KLF15: variants seen among roughly 807,000 people sequenced by gnomAD.
The protein encoded by KLF15 is KLF transcription factor 15, also known as Krueppel-like factor 15.
KLF15 carries 4 observed loss-of-function variants against 24.6 expected under a neutral mutation model. The observed-to-expected ratio is 0.16, with a 90% CI of 0.08 to 0.37. The LOEUF is 0.37. Ranked by LOEUF, KLF15 falls within the 10% of genes least tolerant of loss-of-function variation. KLF15 has a pLI of 1.00. For missense variants in KLF15, 496 were observed against 560.6 expected (o/e 0.88, Z 1.16); for synonymous variants, 246 against 236.3 (o/e 1.04, Z -0.37).
At chr3:126,347,480 C>T (rs1171696095) in intron 2 of KLF15, among the ~76,000 whole-genome samples, 3 of 152,220 alleles carry the variant, frequency 2.0e-5, no homozygotes, top group African/African-American at 7.2e-5. Flanking sequence ...CTGTCCCCCA[C>T]CACATCCACT....
chr3:126,341,167 G>T (rs572148799), downstream of KLF15, among the ~76,000 whole-genome samples: 13 of 152,284 alleles, frequency 8.5e-5, 1 homozygote, highest in South Asian at 2.5e-3. Flanking sequence ...TCATCCCGGG[G>T]AGGTGCACCA....
chr3:126,321,218 T>C, the KLF15 span, among the ~76,000 whole-genome samples: 1 of 152,242 alleles, frequency 6.6e-6, no homozygotes, highest in East Asian at 1.9e-4. Context: ...CAAGTCTCTC[T>C]ACACCCTTTC....
chr3:126,297,924 C>T, the KLF15 span, among the ~76,000 whole-genome samples: 1 of 152,156 alleles, frequency 6.6e-6, no homozygotes, highest in Non-Finnish European at 1.5e-5. Flanking sequence ...GTGCAAGTGT[C>T]TTTTTCATAT....
chr3:126,294,218 C>A, the KLF15 span, among the ~76,000 whole-genome samples: 13 of 152,182 alleles, frequency 8.5e-5, no homozygotes, highest in African/African-American at 3.1e-4. Context: ...TGCCTTGTGC[C>A]TGGTCATGCC....
At chr3:126,312,439 C>T in the KLF15 span, among the ~76,000 whole-genome samples, 3 of 152,156 alleles carry the variant, frequency 2.0e-5, no homozygotes, top group Admixed American at 6.5e-5. Flanking sequence ...TCATCCAAAG[C>T]GCTGGGACTA....
the KLF15 span, among the ~76,000 whole-genome samples, chr3:126,331,924 C>A: frequency 1.3e-5 from 2 of 152,204 alleles, no homozygotes; most frequent in African/African-American, 4.8e-5. Flanking sequence ...GGTCCTACGC[C>A]CACGGAATCT....
intron 1 of KLF15, among the ~76,000 whole-genome samples, chr3:126,355,169 T>C (rs2082619735): frequency 6.6e-6 from 1 of 152,386 alleles, no homozygotes; most frequent in South Asian, 2.1e-4. Context: ...TGATATTAAG[T>C]AATTACTGTT....
At chr3:126,315,216 C>A in the KLF15 span, among the ~76,000 whole-genome samples, 1 of 152,176 alleles carries the variant, frequency 6.6e-6, no homozygotes, top group Non-Finnish European at 1.5e-5. Context: ...GAGAGACCCA[C>A]CCTACTCCAG....
At chr3:126,338,950 T>C (rs964080817), downstream of KLF15, among the ~76,000 whole-genome samples, 2 of 152,176 alleles carry the variant, frequency 1.3e-5, no homozygotes, top group African/African-American at 4.8e-5. Flanking sequence ...GCAGGGAACG[T>C]CCCGGCTGGG....
chr3:126,317,251 A>G, the KLF15 span, among the ~76,000 whole-genome samples: 1 of 152,164 alleles, frequency 6.6e-6, no homozygotes, highest in African/African-American at 2.4e-5. Context: ...CCAAGAAGCA[A>G]TAGGTAGCTA....
the KLF15 span, among the ~76,000 whole-genome samples, chr3:126,334,563 A>C: frequency 0.52 from 9,448 of 17,998 alleles, 2,440 homozygotes; most frequent in South Asian, 0.61. Flanking sequence ...GGCAAGAAAT[A>C]ACTAAAATCA....
chr3:126,321,663 A>G, the KLF15 span, among the ~76,000 whole-genome samples: 1 of 152,216 alleles, frequency 6.6e-6, no homozygotes, highest in Non-Finnish European at 1.5e-5. Context: ...TGCAGTGTCC[A>G]CTAGTGGACA....
At chr3:126,345,017 C>T (rs1030983802) in intron 2 of KLF15, among the ~76,000 whole-genome samples, 1 of 152,118 alleles carries the variant, frequency 6.6e-6, no homozygotes, top group African/African-American at 2.4e-5. Context: ...CACTATCCCG[C>T]TCTGTGCTCC....
At chr3:126,302,792 T>G in the KLF15 span, among the ~76,000 whole-genome samples, 1 of 152,168 alleles carries the variant, frequency 6.6e-6, no homozygotes, top group Admixed American at 6.5e-5. Context: ...GTGACTTTAT[T>G]TTTGAAATAG....
intron 1 of KLF15, among the ~76,000 whole-genome samples, chr3:126,354,482 T>C (rs1354467888): frequency 6.6e-6 from 1 of 152,166 alleles, no homozygotes; most frequent in Non-Finnish European, 1.5e-5. Context: ...ATCTGTTCCA[T>C]GCTTCAAAGA....
chr3:126,355,963 G>A (rs1398415650), intron 1 of KLF15, among the ~76,000 whole-genome samples: 3 of 152,238 alleles, frequency 2.0e-5, no homozygotes, highest in Admixed American at 1.3e-4. Flanking sequence ...AGAGGCGCAG[G>A]CTGCGTGCAG....
chr3:126,349,979 C>T (rs2082569809), intron 2 of KLF15, among the ~76,000 whole-genome samples: 1 of 152,182 alleles, frequency 6.6e-6, no homozygotes, highest in Admixed American at 6.5e-5. Context: ...AACAAGGAGG[C>T]CGCTGTGGAG....
At chr3:126,323,164 C>T in the KLF15 span, among the ~76,000 whole-genome samples, 2 of 150,108 alleles carry the variant, frequency 1.3e-5, no homozygotes, top group Non-Finnish European at 1.5e-5. Context: ...AATACCCATA[C>T]ACCCTTTTCC....
At chr3:126,303,739 C>A in the KLF15 span, among the ~76,000 whole-genome samples, 1 of 150,706 alleles carries the variant, frequency 6.6e-6, no homozygotes, top group Non-Finnish European at 1.5e-5. Flanking sequence ...TAACTAAACT[C>A]TCTCTTGTTT....
Sources: gnomAD v4.1 joint callset for allele counts (sites outside exome capture counted in the v4.1 genomes callset) on GRCh38, gnomAD v4.1.1 for gene constraint, MANE v1.5 for transcripts, NCBI Gene and HGNC (gene_info 2026-07-23, HGNC 2026-07-21) for gene names.